Variants in NPEPPS observed in about 807,000 individuals in gnomAD.
NPEPPS encodes the protein puromycin-sensitive aminopeptidase.
In NPEPPS, 14 loss-of-function variants were observed where a neutral mutation model predicts 115.5. That is an observed-to-expected ratio of 0.12 (90% CI 0.08 to 0.19). The LOEUF is 0.19. Among genes scored for constraint, NPEPPS ranks in the 10% least tolerant of loss-of-function variants. The pLI is 1.00. For missense variants in NPEPPS, 523 were observed against 1,110.8 expected, an observed-to-expected ratio of 0.47 and a Z score of 7.52; for synonymous variants, 285 against 390.6, an observed-to-expected ratio of 0.73 and a Z score of 3.19.
chr17:47,578,741 C>T (rs1372068381), intron 3 of NPEPPS, among the ~76,000 whole-genome samples: 1 of 151,800 alleles, frequency 6.6e-6, no homozygotes, highest in Non-Finnish European at 1.5e-5. Flanking sequence ...CTGATCAAAT[C>T]ATTGGTCTTC....
intron 2 of NPEPPS, among the ~76,000 whole-genome samples, chr17:47,547,611 G>C (rs139026219): frequency 6.6e-6 from 1 of 151,996 alleles, no homozygotes; most frequent in African/African-American, 2.4e-5. Flanking sequence ...TGACCTCTTC[G>C]GCCTTGCAGG....
At chr17:47,616,777 T>G (rs1041093697) in intron 19 of NPEPPS, among the ~76,000 whole-genome samples, 2 of 126,580 alleles carry the variant, frequency 1.6e-5, no homozygotes, top group Admixed American at 1.7e-4. Flanking sequence ...AGAGCGAGAC[T>G]CCATCTCAAA....
chr17:47,614,433 T>A (rs1368715282), intron 19 of NPEPPS, among the ~76,000 whole-genome samples: 1 of 152,230 alleles, frequency 6.6e-6, no homozygotes, highest in Admixed American at 6.5e-5. Flanking sequence ...AGAAAAGGGA[T>A]AGACAGATGA....
chr17:47,592,280 G>A (rs1010489036), intron 11 of NPEPPS, among the ~76,000 whole-genome samples: 1 of 151,898 alleles, frequency 6.6e-6, no homozygotes, highest in Admixed American at 6.6e-5. Context: ...GAAATGGGAG[G>A]CTGTTACAAA....
chr17:47,552,838 C>T (rs1262649876), intron 2 of NPEPPS, among the ~76,000 whole-genome samples: 1 of 152,046 alleles, frequency 6.6e-6, no homozygotes, highest in Non-Finnish European at 1.5e-5. Context: ...TTAGTGTTTA[C>T]TCTATACCAG....
intron 1 of NPEPPS, among the ~76,000 whole-genome samples, chr17:47,524,658 CT>C (rs1907355638): frequency 2.4e-5 from 1 of 41,630 alleles, no homozygotes; most frequent in East Asian, 8.4e-4. Context: ...CCACGCCTGG[CT>C]AATTTTTTTT....
chr17:47,601,631 G>T lies in NPEPPS; in HGVS notation c.1624G>T (p.Val542Phe). ...AGGTGAAGATTGTCCCCAGTGGATG[G>T]TCCCTATCACAATCTCTACTAGTGA... ...YVGEDCPQWM[V>F]PITISTSEDP... Residue 542 changes from valine to phenylalanine, a missense_variant, in exon 15 of 23, where the codon GTC (valine) becomes TTC (phenylalanine). Val to Phe is a conservative substitution (Grantham distance 50). Around this residue, in one of 4 missense-constraint regions of NPEPPS, gnomAD observed 372 missense variants for 542.6 expected, o/e 0.69. Transcript: ENST00000322157. The T allele has an allele frequency of 6.2e-7, 1 of 1,612,846 alleles. No homozygotes were observed. The highest frequency in any genetic ancestry group is 8.5e-7 in the Non-Finnish European group (1 of 1,179,550).
chr17:47,589,428 T>G (rs2143865339), intron 9 of NPEPPS, among the ~76,000 whole-genome samples: 1 of 152,044 alleles, frequency 6.6e-6, no homozygotes, highest in Admixed American at 6.5e-5. Flanking sequence ...GCTAATTTTT[T>G]TTTACTTTTT....
chr17:47,539,538 A>G (rs1013976280), intron 1 of NPEPPS, among the ~76,000 whole-genome samples: 3 of 151,116 alleles, frequency 2.0e-5, no homozygotes, highest in African/African-American at 4.9e-5. Flanking sequence ...TGGGGGGGGA[A>G]TAAAATGTCA....
rs202039525 is a variant in NPEPPS at position 47,552,686 on chromosome 17, G to A, written c.340+6693G>A. 1.2e-4 allele frequency among the ~76,000 whole-genome samples: 19 copies of A among 152,248 alleles called. No homozygotes were observed. The East Asian group carries it at 3.7e-3, about 29-fold the overall frequency. The stretch of plus-strand genomic sequence containing the variant: ...ATTGCTTTAGTGACTGCTGTTTTAG[G>A]AATTTAGTTGGCTTATTGCTGACTA... On this transcript the variant is annotated intron_variant, in intron 2 of 22. Coordinates refer to ENST00000322157, the MANE Select transcript of NPEPPS (RefSeq NM_006310.4).
chr17:47,613,558 C>T, intron 18 of NPEPPS, 111 bp from the exon 19 acceptor site: 1 of 909,438 alleles, frequency 1.1e-6, no homozygotes, highest in Non-Finnish European at 1.7e-6. Context: ...TGAGTCACCG[C>T]AGCCGGCCAA....
At chr17:47,562,825 TTG>T (rs1910526849) in intron 2 of NPEPPS, among the ~76,000 whole-genome samples, 1 of 151,824 alleles carries the variant, frequency 6.6e-6, no homozygotes. Context: ...TAAAAACCAT[TTG>T]TGTTTCCTTT....
chr17:47,613,439 G>A (rs1914002072), intron 18 of NPEPPS, among the ~76,000 whole-genome samples: 1 of 151,388 alleles, frequency 6.6e-6, no homozygotes, highest in Admixed American at 6.6e-5. Context: ...GCTAATTTTT[G>A]TATTTTTAGT....
chr17:47,530,351 GTTTTTTTTTTTTT>G (rs58886094), upstream of NPEPPS, among the ~76,000 whole-genome samples: 3 of 97,822 alleles, frequency 3.1e-5, no homozygotes, highest in Admixed American at 4.1e-4. Context: ...ATTATTAAAG[GTTTTTTTTTTTTT>G]TTTTTTTTTT....
chr17:47,564,741 C>T (rs957234983), intron 2 of NPEPPS, among the ~76,000 whole-genome samples: 99 of 151,660 alleles, frequency 6.5e-4, no homozygotes, highest in Non-Finnish European at 3.8e-4. Flanking sequence ...CCTCAGACTT[C>T]TCATATGCAT....
At chr17:47,524,815 T>G (rs1177974775) in intron 1 of NPEPPS, among the ~76,000 whole-genome samples, 1 of 150,994 alleles carries the variant, frequency 6.6e-6, no homozygotes, top group Admixed American at 6.6e-5. Flanking sequence ...ATTTTTTTTT[T>G]TTTTTTTGTA....
At chr17:47,619,294 C>G (rs746361522) in intron 21 of NPEPPS, 130 bp downstream of exon 21, 4 of 914,806 alleles carry the variant, frequency 4.4e-6, no homozygotes, top group Non-Finnish European at 5.1e-6. Context: ...TGGCTCACGC[C>G]TGTAATACCA....
At chr17:47,613,769 G>C in intron 19 of NPEPPS, 44 bp downstream of exon 19, 3 of 1,439,514 alleles carry the variant, frequency 2.1e-6, no homozygotes, top group Non-Finnish European at 2.9e-6. Context: ...TTTTGAACTT[G>C]GATAGACACA....
chr17:47,585,126 C>T (rs1016924365), intron 5 of NPEPPS, among the ~76,000 whole-genome samples: 1 of 152,154 alleles, frequency 6.6e-6, no homozygotes, highest in African/African-American at 2.4e-5. Context: ...CGCGCCTAGC[C>T]CCTATTTTAT....
Sources: allele counts gnomAD v4.1 joint callset (sites outside exome capture counted in the v4.1 genomes callset), GRCh38; gene constraint gnomAD v4.1.1; regional missense constraint gnomAD v4.1.1; transcripts MANE v1.5; gene names NCBI Gene and HGNC (gene_info 2026-07-23, HGNC 2026-07-21).